PCDH15: variants seen among roughly 807,000 people sequenced by gnomAD.
PCDH15 encodes the protein protocadherin related 15, also known as protocadherin-15.
A neutral mutation model predicts 178.5 loss-of-function variants in PCDH15; 129 were observed. That is an observed-to-expected ratio of 0.72 (90% CI 0.63 to 0.84). The LOEUF is 0.84. Among genes scored for constraint, PCDH15 ranks in the 40% least tolerant of loss-of-function variants. PCDH15 has a pLI of 0.00. For synonymous variants in PCDH15, 800 were observed against 732.0 expected (o/e 1.09, Z -1.50); for missense variants, 2,230 against 2,099.9 (o/e 1.06, Z -1.21).
chr10:54,234,718 T>G (rs970710234), intron 9 of PCDH15, among the ~76,000 whole-genome samples: 6 of 152,158 alleles, frequency 3.9e-5, no homozygotes, highest in Non-Finnish European at 7.4e-5. Flanking sequence ...AAAATGTAAA[T>G]AGTGTAAAAG....
intron 26 of PCDH15, among the ~76,000 whole-genome samples, chr10:53,871,462 G>GTGTGTGTGTA (rs1426541525): frequency 6.6e-6 from 1 of 150,892 alleles, no homozygotes; most frequent in East Asian, 1.9e-4. Flanking sequence ...GTGTGTGTGT[G>GTGTGTGTGTA]TGTGTGTGTG....
At chr10:55,024,371 G>T (rs1840422983) in intron 2 of PCDH15, among the ~76,000 whole-genome samples, 1 of 147,850 alleles carries the variant, frequency 6.8e-6, no homozygotes, top group Non-Finnish European at 1.5e-5. Context: ...TTATATGAGT[G>T]TGTGTGTGTA....
chr10:54,133,117 T>G, intron 14 of PCDH15, 110 bp from the exon 15 acceptor site: 1 of 1,365,660 alleles, frequency 7.3e-7, no homozygotes, highest in Non-Finnish European at 1.0e-6. Flanking sequence ...ATTTCCAAAT[T>G]TTATGAAAAA....
At chr10:54,568,632 TC>T (rs982886692) in intron 2 of PCDH15, 3 of 152,016 alleles carry the variant, frequency 2.0e-5, no homozygotes, top group African/African-American at 7.2e-5. Context: ...ATACTTCTCT[TC>T]CCCAACCACT....
At chr10:54,133,854 T>TACACAC (rs1432404919) in intron 14 of PCDH15, among the ~76,000 whole-genome samples, 1 of 91,354 alleles carries the variant, frequency 1.1e-5, no homozygotes, top group African/African-American at 6.0e-5. Context: ...TATATATGTA[T>TACACAC]ACATACACAC....
chr10:53,992,112 C>T (rs955474642), intron 21 of PCDH15, among the ~76,000 whole-genome samples: 2 of 152,122 alleles, frequency 1.3e-5, no homozygotes, highest in Non-Finnish European at 1.5e-5. Flanking sequence ...GACCATGAAC[C>T]CACTGGGAGG....
Position 54,299,799 on chromosome 10 carries a change from G to A in PCDH15, c.876+17472C>T, listed in dbSNP as rs139443614. 5.2e-3 allele frequency among the ~76,000 whole-genome samples: 787 copies of A among 152,256 alleles called. 9 individuals are homozygous for A. Among genetic ancestry groups the A allele is most frequent in the African/African-American group, 0.018 (757 of 41,558 alleles). On this transcript the variant is annotated intron_variant, in intron 8 of 37. Transcript: ENST00000644397. ...CAGTGATTGGTCTGCTCAAACGTGC[G>A]AGTTGTTTGCACTCAGCCAAATCTT...
In PCDH15 at chr10:54,022,848, C is replaced by A. The variant is rs755504063; in HGVS notation, c.2526+44G>T. On this transcript the variant is annotated intron_variant, in intron 19 of 37. Transcript: ENST00000644397. ...TGGCACACAAACCCTAATAGCAAAT[C>A]TCCTAATGTAGGATTCATGTAATAA... is the stretch of plus-strand genomic sequence containing the variant. 2.5e-6 allele frequency: 4 copies of A among 1,601,604 alleles called. No homozygotes were observed. In the Admixed American group the frequency reaches 5.0e-5, roughly 20 times the overall value.
intron 21 of PCDH15, among the ~76,000 whole-genome samples, chr10:53,974,548 T>C (rs2090033835): frequency 6.6e-6 from 1 of 152,172 alleles, no homozygotes. Context: ...ATTTGTGAAA[T>C]ACAGCATTTT....
chr10:53,991,260 A>T (rs1402365182), intron 21 of PCDH15, among the ~76,000 whole-genome samples: 1 of 152,184 alleles, frequency 6.6e-6, no homozygotes, highest in Non-Finnish European at 1.5e-5. Context: ...CACTAGCCAA[A>T]GCCAGCTGGG....
rs193286500 is a variant in PCDH15 at position 54,417,818 on chromosome 10, G to C, written c.158-38876C>G. ...AATATTTGATCATTCACAATGCTAT[G>C]ACTGTATTACATTTCAATATTTTAC... is the stretch of plus-strand genomic sequence containing the variant. On this transcript the variant is annotated intron_variant, in intron 3 of 37. Transcript: ENST00000644397. 3.4e-3 allele frequency among the ~76,000 whole-genome samples: 520 copies of C among 152,232 alleles called. 1 individual carries two copies. The highest frequency in any genetic ancestry group is 0.014 in the Middle Eastern group (4 of 294).
At chr10:55,165,627 A>G (rs560965445) in intron 2 of PCDH15, among the ~76,000 whole-genome samples, 71 of 152,130 alleles carry the variant, frequency 4.7e-4, no homozygotes, top group African/African-American at 1.7e-3. Context: ...GCTTTATGAT[A>G]AATGCTATTC....
At chr10:54,693,705 G>A (rs1203684241) in intron 1 of PCDH15, among the ~76,000 whole-genome samples, 1 of 152,064 alleles carries the variant, frequency 6.6e-6, no homozygotes, top group Non-Finnish European at 1.5e-5. Context: ...GACTCTCTAA[G>A]TATAGGTTTG....
intron 2 of PCDH15, among the ~76,000 whole-genome samples, chr10:55,113,863 C>A (rs1245175634): frequency 6.6e-6 from 1 of 152,022 alleles, no homozygotes; most frequent in Non-Finnish European, 1.5e-5. Context: ...CTGCACCTCT[C>A]CCACATACTG....
Position 54,154,639 on chromosome 10 carries a change from G to C in PCDH15, c.1591-1346C>G, listed in dbSNP as rs947286042. On this transcript the variant is annotated intron_variant, in intron 13 of 37. Transcript: ENST00000644397. ...AACAAAGTACTTTATACACTGTACT[G>C]TGCTGAAGGGGTTATATTATGCATA... Among the ~76,000 whole-genome samples the C allele has an allele frequency of 7.9e-5, 12 of 152,206 alleles. No individual in the cohort carries two copies. The South Asian group carries it at 2.1e-3, about 26-fold the overall frequency.
chr10:54,461,946 C>T (rs953673548), intron 3 of PCDH15, among the ~76,000 whole-genome samples: 20 of 151,904 alleles, frequency 1.3e-4, no homozygotes, highest in Admixed American at 1.1e-3. Context: ...ATATGAAGTT[C>T]TTAGAATACC....
chr10:54,990,164 C>T (rs1401603161), intron 2 of PCDH15, among the ~76,000 whole-genome samples: 1 of 152,190 alleles, frequency 6.6e-6, no homozygotes, highest in Admixed American at 6.5e-5. Flanking sequence ...CAGACTAATA[C>T]ACAAAGCATA....
chr10:54,706,742 A>C (rs1206993273), intron 1 of PCDH15, among the ~76,000 whole-genome samples: 1 of 151,882 alleles, frequency 6.6e-6, no homozygotes, highest in Non-Finnish European at 1.5e-5. Context: ...TCGTGCCTCA[A>C]CCTCCTGAGT....
chr10:54,067,976 T>TA (rs142206992), intron 17 of PCDH15, among the ~76,000 whole-genome samples: 31,852 of 151,642 alleles, frequency 0.21, 3,521 homozygotes, highest in Non-Finnish European at 0.25. Flanking sequence ...TTTTTTATTT[T>TA]TTTTTATTTT....
Sources: gnomAD v4.1 joint callset for allele counts (sites outside exome capture counted in the v4.1 genomes callset) on GRCh38, gnomAD v4.1.1 for gene constraint, MANE v1.5 for transcripts, NCBI Gene and HGNC (gene_info 2026-07-23, HGNC 2026-07-21) for gene names.